STK4: variants seen among roughly 807,000 people sequenced by gnomAD.
STK4 encodes serine/threonine kinase 4.
STK4 carries 30 observed loss-of-function variants against 64.9 expected under a neutral mutation model. The ratio of observed to expected loss-of-function variants is 0.46; its 90% CI spans 0.35 to 0.63. The LOEUF (loss-of-function observed/expected upper bound fraction) is 0.63. Among genes scored for constraint, STK4 ranks in the 20% least tolerant of loss-of-function variants. STK4 has a pLI of 0.01. For synonymous variants in STK4, 177 were observed against 199.0 expected, an observed-to-expected ratio of 0.89 and a Z score of 0.93; for missense variants, 466 against 598.5, an observed-to-expected ratio of 0.78 and a Z score of 2.31.
At chr20:45,010,013 T>C (rs1443896503) in intron 9 of STK4, among the ~76,000 whole-genome samples, 1 of 140,144 alleles carries the variant, frequency 7.1e-6, no homozygotes, top group Non-Finnish European at 1.6e-5. Context: ...TTTGAGTGCA[T>C]TTTATTTCTT....
intron 10 of STK4, among the ~76,000 whole-genome samples, chr20:45,065,705 T>TA (rs1979508233): frequency 1.3e-5 from 2 of 152,178 alleles, no homozygotes; most frequent in Admixed American, 1.3e-4. Flanking sequence ...AGGTCAGTGG[T>TA]AATGTCCTCT....
At chr20:45,061,873 T>TTC (rs1491559668) in intron 10 of STK4, among the ~76,000 whole-genome samples, 1 of 105,318 alleles carries the variant, frequency 9.5e-6, no homozygotes, top group African/African-American at 5.9e-5. Context: ...CTTCTTCTTC[T>TTC]TTTTTTTTTT....
At chr20:45,053,677 C>G (rs1978305631) in intron 10 of STK4, among the ~76,000 whole-genome samples, 1 of 152,150 alleles carries the variant, frequency 6.6e-6, no homozygotes, top group South Asian at 2.1e-4. Context: ...GCCATTGTCT[C>G]TCTCAATCAT....
intron 10 of STK4, among the ~76,000 whole-genome samples, chr20:45,066,585 G>A (rs1245434643): frequency 6.6e-6 from 1 of 152,122 alleles, no homozygotes; most frequent in Non-Finnish European, 1.5e-5. Flanking sequence ...CTTATGATCT[G>A]CATTTCATTC....
At chr20:44,992,381 C>T (rs2067651577) in intron 5 of STK4, among the ~76,000 whole-genome samples, 1 of 151,924 alleles carries the variant, frequency 6.6e-6, no homozygotes, top group South Asian at 2.1e-4. Flanking sequence ...GCTTCAGGCT[C>T]CCAAGTAGCT....
chr20:45,044,543 A>G (rs1363430312), intron 10 of STK4, among the ~76,000 whole-genome samples: 1 of 151,934 alleles, frequency 6.6e-6, no homozygotes, highest in Non-Finnish European at 1.5e-5. Flanking sequence ...GGTCCCAGCT[A>G]CTCAGGTGGT....
chr20:45,034,216 A>G (rs1449332419), intron 10 of STK4, among the ~76,000 whole-genome samples: 1 of 152,008 alleles, frequency 6.6e-6, no homozygotes, highest in Non-Finnish European at 1.5e-5. Flanking sequence ...GGATAAAGAT[A>G]AAAGCAGAAT....
intron 10 of STK4, among the ~76,000 whole-genome samples, chr20:45,069,383 A>C (rs1233042496): frequency 1.3e-5 from 2 of 152,160 alleles, no homozygotes; most frequent in African/African-American, 4.8e-5. Context: ...GTCCAGCAGG[A>C]TGGTGTCTCT....
At chr20:44,976,259 G>A (rs2067336545) in intron 2 of STK4, among the ~76,000 whole-genome samples, 1 of 152,244 alleles carries the variant, frequency 6.6e-6, no homozygotes, top group African/African-American at 2.4e-5. Context: ...CAGAAATACA[G>A]TGTTGGAAAC....
chr20:45,061,720 A>G (rs966620724), intron 10 of STK4, among the ~76,000 whole-genome samples: 2 of 151,736 alleles, frequency 1.3e-5, no homozygotes, highest in African/African-American at 4.8e-5. Flanking sequence ...ATAGTACCCA[A>G]TAGGTGATTT....
intron 9 of STK4, among the ~76,000 whole-genome samples, chr20:45,020,440 G>A (rs1376457103): frequency 4.4e-5 from 4 of 91,734 alleles, no homozygotes; most frequent in Non-Finnish European, 1.0e-4. Context: ...ATGTTTATGC[G>A]TGTGTGTGTG....
chr20:45,000,333 C>A, intron 7 of STK4, 59 bp from the exon 8 acceptor site: 1 of 1,563,880 alleles, frequency 6.4e-7, no homozygotes, highest in Non-Finnish European at 8.7e-7. Context: ...GTTCCAGGTA[C>A]TGTTTTGGCA....
At chr20:44,991,380 T>G (rs774794761) in intron 5 of STK4, among the ~76,000 whole-genome samples, 2 of 152,184 alleles carry the variant, frequency 1.3e-5, no homozygotes, top group Admixed American at 6.5e-5. Flanking sequence ...TTTATTTACA[T>G]TGGAATCTAG....
At chr20:44,997,064 G>A (rs1317060184) in intron 6 of STK4, 105 bp from the exon 7 acceptor site, 4 of 1,543,998 alleles carry the variant, frequency 2.6e-6, no homozygotes, top group Non-Finnish European at 3.5e-6. Context: ...GTGGGTAAGT[G>A]AAAAATCATT....
intron 10 of STK4, among the ~76,000 whole-genome samples, chr20:45,037,404 A>AT (rs143234454): frequency 0.062 from 9,381 of 152,104 alleles, 962 homozygotes; most frequent in African/African-American, 0.21. Flanking sequence ...ACTCTTTTAG[A>AT]TTTTTTCCTT....
chr20:45,071,024 G>A (rs1980022626), intron 10 of STK4, among the ~76,000 whole-genome samples: 1 of 152,106 alleles, frequency 6.6e-6, no homozygotes, highest in Admixed American at 6.5e-5. Flanking sequence ...TGGAATTGTG[G>A]GAGCTACCAT....
intron 9 of STK4, among the ~76,000 whole-genome samples, chr20:45,011,849 A>C (rs572251526): frequency 6.6e-6 from 1 of 150,698 alleles, no homozygotes; most frequent in African/African-American, 2.4e-5. Context: ...TTTGTTTACA[A>C]TATGAGCTCT....
intron 9 of STK4, among the ~76,000 whole-genome samples, chr20:45,011,708 C>CATATATAT (rs749788988): frequency 2.1e-4 from 18 of 86,882 alleles, no homozygotes; most frequent in African/African-American, 9.1e-4. Flanking sequence ...GTAGAACATA[C>CATATATAT]ATATATATAT....
At chr20:45,040,633 C>CTT (rs11476443) in intron 10 of STK4, among the ~76,000 whole-genome samples, 1 of 142,632 alleles carries the variant, frequency 7.0e-6, no homozygotes, top group Non-Finnish European at 1.5e-5. Flanking sequence ...GGAAACAGAC[C>CTT]TTTTTTTTTT....
Sources: allele counts gnomAD v4.1 joint callset (sites outside exome capture counted in the v4.1 genomes callset), GRCh38; gene constraint gnomAD v4.1.1; transcripts MANE v1.5; gene names NCBI Gene and HGNC (gene_info 2026-07-23, HGNC 2026-07-21).